PDIA6: variants seen among roughly 807,000 people sequenced by gnomAD.
The protein encoded by PDIA6 is protein disulfide-isomerase A6.
A neutral mutation model predicts 58.4 loss-of-function variants in PDIA6; 29 were observed. The observed-to-expected ratio is 0.50, with a 90% CI of 0.37 to 0.68. The LOEUF is 0.68. PDIA6 is among the 30% of genes least tolerant of loss of function. PDIA6 has a pLI of 0.00. For missense variants in PDIA6, 480 were observed against 551.0 expected, an observed-to-expected ratio of 0.87 and a Z score of 1.29; for synonymous variants, 192 against 202.6, an observed-to-expected ratio of 0.95 and a Z score of 0.44.
chr2:10,816,290 G>A (rs1667191218), upstream of PDIA6, among the ~76,000 whole-genome samples: 1 of 151,542 alleles, frequency 6.6e-6, no homozygotes, highest in African/African-American at 2.4e-5. Flanking sequence ...TCATCATGTT[G>A]GAGAGGCTGG....
Position 10,812,726 on chromosome 2 carries a change from C to T in PDIA6, c.-30G>A, listed in dbSNP as rs751392965. The T allele has an allele frequency of 4.7e-6, 7 of 1,489,632 alleles. No individual in the cohort carries two copies. The Middle Eastern group carries it at 1.1e-3, about 232-fold the overall frequency. 92.3% of individuals were successfully genotyped at this position (1,489,632 alleles called of 1,614,324 possible). A position where few individuals can be genotyped will look rare whatever the true frequency, so the allele number is the denominator to read the frequency against. On this transcript the variant is annotated 5_prime_UTR_variant, in exon 1 of 13. In the 5' UTR this introduces an upstream ATG that the reference lacks. Coordinates refer to ENST00000272227, the MANE Select transcript of PDIA6 (RefSeq NM_005742.4). ...AGCGCCGGGCTACGTGCAGTCCCCACCGCCGCCGCCGCTTCAGCCCTGCAG... is the reference window on the plus strand; with the variant it reads ...AGCGCCGGGCTACGTGCAGTCCCCATCGCCGCCGCCGCTTCAGCCCTGCAG...
At chr2:10,820,840 G>A (rs781568672) in intron 1 of PDIA6, 1 of 702,972 alleles carries the variant, frequency 1.4e-6, no homozygotes, top group South Asian at 1.5e-5. Flanking sequence ...ACCCACACAA[G>A]CTTCTCCCGG....
In PDIA6 at chr2:10,796,217, C is replaced by G. The variant is rs182700662; in HGVS notation, c.346+864G>C. Among the ~76,000 whole-genome samples the G allele has an allele frequency of 1.2e-3, 184 of 152,232 alleles. 1 individual carries two copies. Among genetic ancestry groups the G allele is most frequent in the Admixed American group, 2.0e-3 (30 of 15,286 alleles). On this transcript the variant is annotated intron_variant, in intron 4 of 12. Transcript: ENST00000272227. ...TACAGTCACCCACCACCGTGCCCGG[C>G]TAATTTTTTGTATTTTTAGTAGAGA...
At chr2:10,819,119 A>G (rs1031119224) in intron 2 of PDIA6, among the ~76,000 whole-genome samples, 7 of 151,914 alleles carry the variant, frequency 4.6e-5, no homozygotes, top group Non-Finnish European at 1.0e-4. Flanking sequence ...GCATGTGTCA[A>G]TTTCCTTCCT....
chr2:10,821,808 G>C (rs529232480), intron 1 of PDIA6, among the ~76,000 whole-genome samples: 1 of 151,954 alleles, frequency 6.6e-6, no homozygotes, highest in Non-Finnish European at 1.5e-5. Flanking sequence ...ATTTTTTGTA[G>C]AGACAGGACC....
chr2:10,825,400 T>C (rs1249563789), intron 1 of PDIA6, among the ~76,000 whole-genome samples: 1 of 152,234 alleles, frequency 6.6e-6, no homozygotes, highest in East Asian at 1.9e-4. Context: ...TCTTATGGAT[T>C]CTTGAAAAAG....
At chr2:10,806,744 T>C (rs929296126) in intron 1 of PDIA6, among the ~76,000 whole-genome samples, 1 of 152,048 alleles carries the variant, frequency 6.6e-6, no homozygotes, top group Non-Finnish European at 1.5e-5. Flanking sequence ...GTAAATGTCC[T>C]GTACAGGTGT....
chr2:10,804,340 AT>A (rs1666645782), intron 1 of PDIA6, among the ~76,000 whole-genome samples: 1 of 144,792 alleles, frequency 6.9e-6, no homozygotes, highest in South Asian at 2.3e-4. Flanking sequence ...TCTTGAATTG[AT>A]TTTTGTATAA....
chr2:10,789,716 C>A (rs200457817), intron 8 of PDIA6, 33 bp downstream of exon 8: 35 of 1,605,080 alleles, frequency 2.2e-5, no homozygotes, highest in Non-Finnish European at 3.0e-5. Flanking sequence ...GCTAAAAAAG[C>A]TTTCTGGACT....
chr2:10,789,477 G>A (rs1665934761), intron 8 of PDIA6, among the ~76,000 whole-genome samples: 2 of 152,096 alleles, frequency 1.3e-5, no homozygotes, highest in Admixed American at 6.5e-5. Context: ...ATTAGTACTT[G>A]ATAAATGTTC....
chr2:10,808,167 T>C (rs1666838484), intron 1 of PDIA6, among the ~76,000 whole-genome samples: 1 of 152,266 alleles, frequency 6.6e-6, no homozygotes, highest in Admixed American at 6.5e-5. Flanking sequence ...AGATTTATGC[T>C]TTCTAGAAGG....
At chr2:10,810,452 AC>A in intron 1 of PDIA6, 1 of 1,350,658 alleles carries the variant, frequency 7.4e-7, no homozygotes, top group Non-Finnish European at 9.5e-7. Flanking sequence ...AGGGTTTTTC[AC>A]CTTAGGAATG....
intron 1 of PDIA6, among the ~76,000 whole-genome samples, chr2:10,831,671 C>A (rs868248661): frequency 1.3e-5 from 2 of 152,152 alleles, no homozygotes; most frequent in South Asian, 4.1e-4. Flanking sequence ...ACAGGATTGG[C>A]CTTCACTGAA....
intron 4 of PDIA6, among the ~76,000 whole-genome samples, 166 bp downstream of exon 4, chr2:10,796,915 A>G (rs1457474364): frequency 6.6e-6 from 1 of 152,218 alleles, no homozygotes; most frequent in Non-Finnish European, 1.5e-5. Context: ...CACATATTTC[A>G]TCTTCAGAAT....
chr2:10,799,639 AC>A (rs763388114), intron 2 of PDIA6, among the ~76,000 whole-genome samples: 27 of 152,348 alleles, frequency 1.8e-4, no homozygotes, highest in Non-Finnish European at 4.0e-4. Context: ...ATATTTACAT[AC>A]AGTATGTTTT....
At chr2:10,786,449 C>T (rs1665762799) in intron 11 of PDIA6, among the ~76,000 whole-genome samples, 1 of 152,076 alleles carries the variant, frequency 6.6e-6, no homozygotes, top group South Asian at 2.1e-4. Flanking sequence ...TTCCTCCATG[C>T]CTCCCACTTC....
At chr2:10,796,681 C>A (rs1666282621) in intron 4 of PDIA6, among the ~76,000 whole-genome samples, 2 of 128,952 alleles carry the variant, frequency 1.6e-5, no homozygotes, top group Admixed American at 1.7e-4. Context: ...GTTTAGGAGA[C>A]TAAGACTCTC....
At chr2:10,825,095 C>A (rs1299838458) in intron 1 of PDIA6, among the ~76,000 whole-genome samples, 5 of 152,300 alleles carry the variant, frequency 3.3e-5, no homozygotes, top group African/African-American at 7.2e-5. Context: ...TAGCCTACAT[C>A]TTTCTCCCAT....
At chr2:10,836,015 T>C (rs1043469497), upstream of PDIA6, among the ~76,000 whole-genome samples, 2 of 151,182 alleles carry the variant, frequency 1.3e-5, no homozygotes, top group African/African-American at 4.9e-5. Context: ...CGAGCCACAC[T>C]GCACTCCATC....
Sources: gnomAD v4.1 joint callset for allele counts (sites outside exome capture counted in the v4.1 genomes callset) on GRCh38, gnomAD v4.1.1 for gene constraint, MANE v1.5 for transcripts, NCBI Gene and HGNC (gene_info 2026-07-23, HGNC 2026-07-21) for gene names.